SNX5: variants seen among roughly 807,000 people sequenced by gnomAD.
SNX5 encodes sorting nexin-5.
Under a neutral mutation model 53.9 loss-of-function variants are expected in SNX5, and 31 were observed. That is an observed-to-expected ratio of 0.58 (90% CI 0.43 to 0.78). The LOEUF (loss-of-function observed/expected upper bound fraction) is 0.78. SNX5 is among the 30% of genes least tolerant of loss of function. The pLI is 0.00. For missense variants in SNX5, 471 were observed against 478.8 expected (o/e 0.98, Z 0.15); for synonymous variants, 168 against 171.1 (o/e 0.98, Z 0.14).
Position 17,951,577 on chromosome 20 carries a change from T to TGG in SNX5, c.531_532insCC (p.Asn178ProfsTer15). 6.2e-7 allele frequency: 1 copy of TGG among 1,611,574 alleles called. No homozygotes were observed. Among genetic ancestry groups the TGG allele is most frequent in the Non-Finnish European group, 8.5e-7 (1 of 1,178,238 alleles). On this transcript the variant is annotated frameshift_variant, in exon 6 of 13. Transcript: ENST00000377759. LOFTEE classifies it high-confidence loss of function. ...AAGCCACCAAACATCTCTTTAGTAT[T>TGG]TTTCCGCCTAACACTTAGCTAAAAG...
intron 1 of SNX5, among the ~76,000 whole-genome samples, chr20:17,960,581 C>T (rs1246966783): frequency 2.0e-5 from 3 of 148,658 alleles, no homozygotes; most frequent in Non-Finnish European, 4.5e-5. Flanking sequence ...GCGATGAGAG[C>T]GAAACTCCGT....
chr20:17,942,763 TG>T (rs1438304928), intron 12 of SNX5: 2 of 361,392 alleles, frequency 5.5e-6, no homozygotes, highest in Non-Finnish European at 1.0e-5. Context: ...GAATAAAAGT[TG>T]CTAGAAATTA....
Position 17,956,954 on chromosome 20 carries a change from G to A in SNX5, c.135C>T (p.Val45=), listed in dbSNP as rs1271924981. The change falls in exon 2 of 13, where the codon GTC becomes GTT. Residue 45 remains valine (V), a synonymous_variant. Transcript: ENST00000377759. The part of the protein sequence containing the change: ...IPDALSERDK[V]KFTVHTKTTL... ...TTACCTTTGTGTGCACTGTAAATTT[G>A]ACTTTGTCTCTCTCACTGAGCGCAT... The A allele has an allele frequency of 6.3e-7, 1 of 1,594,682 alleles. No individual in the cohort carries two copies. Among genetic ancestry groups the A allele is most frequent in the Non-Finnish European group, 8.6e-7 (1 of 1,163,038 alleles).
intron 3 of SNX5, chr20:17,954,327 G>GA: frequency 1.7e-6 from 1 of 584,556 alleles, no homozygotes; most frequent in African/African-American, 1.9e-5. Context: ...TATTCACTTT[G>GA]ATGGCAATCA....
At chr20:17,961,745 T>G in intron 1 of SNX5, 1 of 985,366 alleles carries the variant, frequency 1.0e-6, no homozygotes, top group Non-Finnish European at 1.2e-6. Flanking sequence ...AGGGATTTTG[T>G]TTTGTTATGT....
chr20:17,951,678 T>C, intron 5 of SNX5, 83 bp from the exon 6 acceptor site: 1 of 930,774 alleles, frequency 1.1e-6, no homozygotes, highest in Admixed American at 1.8e-5. Context: ...ACATTTTAAG[T>C]AATCCTCTTT....
At chr20:17,950,796 A>C (rs1391223338) in intron 6 of SNX5, among the ~76,000 whole-genome samples, 4 of 152,240 alleles carry the variant, frequency 2.6e-5, no homozygotes, top group Non-Finnish European at 4.4e-5. Context: ...GCATTGGCCA[A>C]GGATGCCAAT....
At chr20:17,953,473 T>C (rs2035301346) in intron 4 of SNX5, among the ~76,000 whole-genome samples, 1 of 152,246 alleles carries the variant, frequency 6.6e-6, no homozygotes, top group African/African-American at 2.4e-5. Flanking sequence ...TTACTGAGAA[T>C]GCTACTCTAT....
At chr20:17,959,459 C>A (rs556196365) in intron 1 of SNX5, among the ~76,000 whole-genome samples, 10 of 107,970 alleles carry the variant, frequency 9.3e-5, no homozygotes, top group Admixed American at 2.1e-4. Context: ...TATCAAACAT[C>A]CGAGGTTCAC....
intron 12 of SNX5, 193 bp from the exon 13 acceptor site, chr20:17,942,600 C>T: frequency 1.7e-6 from 1 of 605,624 alleles, no homozygotes; most frequent in Non-Finnish European, 3.0e-6. Flanking sequence ...CAGCTCCTCT[C>T]CCTCAGTGGG....
In SNX5 at chr20:17,950,326, C is replaced by T. The variant is rs1003613074; in HGVS notation, c.680G>A (p.Cys227Tyr). 6.2e-7 allele frequency: 1 copy of T among 1,613,602 alleles called. No individual in the cohort carries two copies. Among genetic ancestry groups the T allele is most frequent in the Admixed American group, 1.7e-5 (1 of 60,026 alleles). ...INYYNRIKDS[C>Y]VKADKMTRSH... is the part of the protein sequence containing the mutation. ...TCTGGTCATTTTGTCAGCTTTCACA[C>T]AAGAATCTTTGATCCTATTGTAATA... Residue 227 changes from cysteine (C) to tyrosine (Y), a missense_variant, in exon 7 of 13, where the codon TGT becomes TAT. Coordinates refer to ENST00000377759, the MANE Select transcript of SNX5 (RefSeq NM_014426.4).
At chr20:17,949,295 G>T (rs1456777920) in intron 8 of SNX5, among the ~76,000 whole-genome samples, 192 bp from the exon 9 acceptor site, 2 of 152,152 alleles carry the variant, frequency 1.3e-5, no homozygotes, top group East Asian at 3.9e-4. Context: ...TTACACACAT[G>T]TACAGCACCA....
At position 17,954,126 on chromosome 20, in the gene SNX5, G is replaced by A; in HGVS notation, c.268-9C>T. ...GTAGGAGCAGGTGGAATCTGCAGCA[G>A]AGGCAGGAACTCATGAGCCTCTTGT... On this transcript the variant is annotated splice_polypyrimidine_tract_variant and intron_variant, in intron 3 of 12. Coordinates refer to ENST00000377759, the MANE Select transcript of SNX5 (RefSeq NM_014426.4). 1 of 1,613,310 alleles carries A rather than the reference G, an allele frequency of 6.2e-7. No homozygotes were observed. The highest frequency in any genetic ancestry group is 8.5e-7 in the Non-Finnish European group (1 of 1,179,540).
intron 1 of SNX5, among the ~76,000 whole-genome samples, chr20:17,965,069 A>G (rs1292992649): frequency 6.6e-6 from 1 of 152,244 alleles, no homozygotes; most frequent in Non-Finnish European, 1.5e-5. Context: ...GGCAAGATTA[A>G]TAGAAAACCT....
chr20:17,962,705 A>G (rs769913269), intron 1 of SNX5: 2 of 519,064 alleles, frequency 3.9e-6, no homozygotes, highest in South Asian at 2.8e-5. Context: ...AAAGGGCTGC[A>G]GCAAGTGATC....
At position 17,966,929 on chromosome 20, in the gene SNX5, G is replaced by A. The variant is rs191774790; in HGVS notation, c.51+1446C>T. On this transcript the variant is annotated intron_variant, in intron 1 of 12. Transcript: ENST00000377759. ...AAAACAAAAATAAAGCCACGCGTCAGGGTAATTATTTATTTTTATTGTCTC... is the reference window on the plus strand; with the variant it reads ...AAAACAAAAATAAAGCCACGCGTCAAGGTAATTATTTATTTTTATTGTCTC... 2.4e-3 allele frequency among the ~76,000 whole-genome samples: 370 copies of A among 152,266 alleles called. 2 individuals carry two copies. Among genetic ancestry groups the A allele is most frequent in the Non-Finnish European group, 3.5e-3 (236 of 68,014 alleles).
At chr20:17,952,826 A>G in intron 4 of SNX5, 116 bp from the exon 5 acceptor site, 1 of 1,217,114 alleles carries the variant, frequency 8.2e-7, no homozygotes, top group Non-Finnish European at 1.1e-6. Flanking sequence ...CTGCAACTGG[A>G]CCAAACAGTA....
At chr20:17,943,426 G>A (rs1377500598) in intron 11 of SNX5, 5 of 483,742 alleles carry the variant, frequency 1.0e-5, no homozygotes, top group African/African-American at 5.9e-5. Flanking sequence ...ACCAAGCATC[G>A]TGAGTGGGAG....
chr20:17,959,108 AT>A (rs1181757560), intron 1 of SNX5, among the ~76,000 whole-genome samples: 4 of 152,130 alleles, frequency 2.6e-5, no homozygotes, highest in Admixed American at 6.5e-5. Flanking sequence ...TGACAGTTCC[AT>A]TTTCGCTCAC....
Sources: gnomAD v4.1 joint callset for allele counts (sites outside exome capture counted in the v4.1 genomes callset) on GRCh38, gnomAD v4.1.1 for gene constraint, MANE v1.5 for transcripts, NCBI Gene and HGNC (gene_info 2026-07-23, HGNC 2026-07-21) for gene names.